The following RBMS1 variants were observed in gnomAD, a reference collection of about 807,000 sequenced individuals.
RBMS1 encodes the protein RNA binding motif single stranded interacting protein 1.
In RBMS1, 17 loss-of-function variants were observed where a neutral mutation model predicts 62.3. The ratio of observed to expected loss-of-function variants is 0.27; its 90% CI spans 0.19 to 0.41. The LOEUF (loss-of-function observed/expected upper bound fraction) is 0.41. Ranked by LOEUF, RBMS1 falls within the 10% of genes least tolerant of loss-of-function variation. The pLI, the probability that RBMS1 is intolerant of heterozygous loss-of-function variation, is 1.00. For synonymous variants in RBMS1, 172 were observed against 170.0 expected, an observed-to-expected ratio of 1.01 and a Z score of -0.09; for missense variants, 334 against 504.5, an observed-to-expected ratio of 0.66 and a Z score of 3.24.
In RBMS1 at chr2:160,493,462, G is replaced by GCGT; in HGVS notation, c.-100_-99insACG. On this transcript the variant is annotated 5_prime_UTR_variant, in exon 1 of 14. Transcript: ENST00000348849. The stretch of plus-strand genomic sequence containing the variant: ...TCCCTTTCCGGCGGCGGCGGCAGCG[G>GCGT]CGGCGGCGGCGGCGGCTGCTGCTGC... 4 of 1,019,700 alleles carry GCGT rather than the reference G, an allele frequency of 3.9e-6. No individual in the cohort carries two copies. The highest frequency in any genetic ancestry group is 6.0e-6 in the Non-Finnish European group (4 of 670,994). 63.2% of individuals were successfully genotyped at this position (1,019,700 alleles called of 1,614,324 possible).
chr2:160,279,987 T>C (rs555944343), intron 10 of RBMS1, among the ~76,000 whole-genome samples: 1 of 152,370 alleles, frequency 6.6e-6, no homozygotes, highest in East Asian at 1.9e-4. Flanking sequence ...TTGTCATTAA[T>C]ACATTCTGTT....
rs1329035502 is a variant in RBMS1, at chr2:160,275,672, C to T, written c.1186G>A (p.Asp396Asn). Residue 396 changes from aspartate (D) to asparagine (N), a missense_variant, in exon 13 of 14, where the codon GAC (aspartate) becomes AAC (asparagine). This residue lies in a region of RBMS1 where 182 missense variants were observed against 257.7 expected (regional missense o/e 0.71). Transcript: ENST00000348849. The stretch of plus-strand genomic sequence containing the variant: ...GGTTGAAAGGTATATGGAGAATGGT[C>T]ATTAGACGTCTCGACAGCCACCTGC... ...QQQVAVETSN[D>N]HSPYTFQPNK 6 of 1,613,780 alleles carry T rather than the reference C, an allele frequency of 3.7e-6. No homozygotes were observed. The highest frequency in any genetic ancestry group is 5.1e-6 in the Non-Finnish European group (6 of 1,179,774).
At chr2:160,287,340 C>T (rs1688453954) in intron 6 of RBMS1, among the ~76,000 whole-genome samples, 1 of 152,158 alleles carries the variant, frequency 6.6e-6, no homozygotes. Flanking sequence ...TTCACTTTCA[C>T]ACTTAAGAGT....
intron 1 of RBMS1, among the ~76,000 whole-genome samples, chr2:160,465,869 C>CAT (rs1166174153): frequency 7.3e-6 from 1 of 137,722 alleles, no homozygotes; most frequent in Non-Finnish European, 1.6e-5. Context: ...CACACATACA[C>CAT]ACACACACAC....
intron 2 of RBMS1, among the ~76,000 whole-genome samples, chr2:160,358,154 T>G (rs1242005130): frequency 6.6e-6 from 1 of 152,160 alleles, no homozygotes; most frequent in Non-Finnish European, 1.5e-5. Context: ...CTCTCAACTC[T>G]GCTTTGGTGT....
intron 1 of RBMS1, among the ~76,000 whole-genome samples, chr2:160,391,835 G>A (rs1269164996): frequency 5.3e-5 from 8 of 151,994 alleles, no homozygotes; most frequent in Non-Finnish European, 1.2e-4. Context: ...AAAATTAGCC[G>A]GGCGTGGTGG....
chr2:160,396,550 CTTTTTTTTTTTTTTTTTTTT>C (rs59600753), intron 1 of RBMS1, among the ~76,000 whole-genome samples: 3 of 77,850 alleles, frequency 3.9e-5, no homozygotes, highest in South Asian at 1.2e-3. Flanking sequence ...TTCTTTTTAT[CTTTTTTTTTTTTTTTTTTTT>C]TTTTTTTTTG....
At chr2:160,426,731 A>T (rs1682645615) in intron 1 of RBMS1, among the ~76,000 whole-genome samples, 1 of 152,206 alleles carries the variant, frequency 6.6e-6, no homozygotes, top group African/African-American at 2.4e-5. Context: ...TGTTATATTT[A>T]GGAATGAGCG....
intron 2 of RBMS1, among the ~76,000 whole-genome samples, chr2:160,339,024 C>T (rs1691727797): frequency 6.6e-6 from 1 of 152,218 alleles, no homozygotes; most frequent in Non-Finnish European, 1.5e-5. Context: ...TGTCCAGGAT[C>T]ATCCACCTAT....
intron 9 of RBMS1, chr2:160,281,592 A>C: frequency 2.4e-6 from 1 of 415,448 alleles, no homozygotes; most frequent in Non-Finnish European, 4.3e-6. Context: ...TCAAGAAGTA[A>C]TTGTTGAGTA....
chr2:160,426,667 CTTTG>C (rs1253342342), intron 1 of RBMS1, among the ~76,000 whole-genome samples: 1 of 152,088 alleles, frequency 6.6e-6, no homozygotes, highest in Admixed American at 6.6e-5. Context: ...AAAGGAGGTA[CTTTG>C]TTTGCTATTA....
intron 1 of RBMS1, among the ~76,000 whole-genome samples, chr2:160,468,580 T>C (rs536327508): frequency 2.0e-5 from 3 of 152,346 alleles, no homozygotes; most frequent in African/African-American, 7.2e-5. Context: ...TGATTAGCTT[T>C]CACTCAAACT....
At chr2:160,461,797 A>T (rs921081931) in intron 1 of RBMS1, among the ~76,000 whole-genome samples, 5 of 152,216 alleles carry the variant, frequency 3.3e-5, no homozygotes, top group African/African-American at 1.2e-4. Flanking sequence ...TTCCAGTAGA[A>T]AATAATAGGA....
chr2:160,490,825 T>G (rs893916311), intron 1 of RBMS1, among the ~76,000 whole-genome samples: 1 of 152,200 alleles, frequency 6.6e-6, no homozygotes, highest in Non-Finnish European at 1.5e-5. Flanking sequence ...ACCATGCCAT[T>G]CTTCAGTTTT....
At chr2:160,407,424 GC>G (rs1349530538) in intron 1 of RBMS1, 1 of 985,890 alleles carries the variant, frequency 1.0e-6, no homozygotes, top group African/African-American at 1.7e-5. Flanking sequence ...GTAACGCGGG[GC>G]TCGCCGACCT....
chr2:160,310,259 T>C (rs1387159060), intron 4 of RBMS1, among the ~76,000 whole-genome samples: 1 of 152,234 alleles, frequency 6.6e-6, no homozygotes, highest in Non-Finnish European at 1.5e-5. Context: ...CAAATGGTTC[T>C]GTTGGAATGG....
At chr2:160,401,065 T>C (rs1695405087) in intron 1 of RBMS1, among the ~76,000 whole-genome samples, 1 of 152,126 alleles carries the variant, frequency 6.6e-6, no homozygotes, top group African/African-American at 2.4e-5. Flanking sequence ...AGAGACTGGA[T>C]GGTTGAAAAA....
At chr2:160,420,151 CT>C (rs1289100790) in intron 1 of RBMS1, among the ~76,000 whole-genome samples, 10 of 152,228 alleles carry the variant, frequency 6.6e-5, no homozygotes, top group Admixed American at 6.5e-4. Flanking sequence ...GGCTGTATCA[CT>C]CTACTTCCTA....
At chr2:160,282,570 A>C (rs780453311) in intron 9 of RBMS1, 1 of 263,272 alleles carries the variant, frequency 3.8e-6, no homozygotes, top group African/African-American at 2.2e-5. Flanking sequence ...CAGTGGTCTT[A>C]ATAATCTAAT....
Sources: gnomAD v4.1 joint callset for allele counts (sites outside exome capture counted in the v4.1 genomes callset) on GRCh38, gnomAD v4.1.1 for gene constraint, gnomAD v4.1.1 regional missense constraint, MANE v1.5 for transcripts, NCBI Gene and HGNC (gene_info 2026-07-23, HGNC 2026-07-21) for gene names.